The following CHD9 variants were observed in gnomAD, a reference collection of about 807,000 sequenced individuals.
CHD9 encodes the protein ATP-dependent chromatin remodeler CHD9.
A neutral mutation model predicts 316.1 loss-of-function variants in CHD9; 77 were observed. The ratio of observed to expected loss-of-function variants is 0.24; its 90% CI spans 0.20 to 0.29. The LOEUF (loss-of-function observed/expected upper bound fraction) is 0.29, where lower values mean the gene tolerates loss of function less well. Ranked by LOEUF, CHD9 falls within the 10% of genes least tolerant of loss-of-function variation. CHD9 has a pLI of 1.00. For missense variants in CHD9, 2,763 were observed against 3,438.1 expected (o/e 0.80, Z 4.91); for synonymous variants, 1,129 against 1,158.3 (o/e 0.97, Z 0.51).
chr16:53,264,061 A>G (rs956526189), intron 20 of CHD9, among the ~76,000 whole-genome samples: 5 of 152,102 alleles, frequency 3.3e-5, no homozygotes, highest in Non-Finnish European at 7.4e-5. Context: ...TAGAACACTT[A>G]AGAATATACC....
chr16:53,102,567 A>G (rs2036973699), intron 1 of CHD9, among the ~76,000 whole-genome samples: 1 of 152,094 alleles, frequency 6.6e-6, no homozygotes, highest in South Asian at 2.1e-4. Context: ...TAATAGATTT[A>G]GGCCATGCAT....
intron 29 of CHD9, among the ~76,000 whole-genome samples, chr16:53,293,698 C>T (rs1050063487): frequency 1.3e-5 from 2 of 152,150 alleles, no homozygotes; most frequent in Non-Finnish European, 2.9e-5. Flanking sequence ...CACCTGTAAT[C>T]CCAGCACTTT....
At chr16:53,201,785 A>G (rs2045478686) in intron 2 of CHD9, among the ~76,000 whole-genome samples, 1 of 151,976 alleles carries the variant, frequency 6.6e-6, no homozygotes, top group Admixed American at 6.6e-5. Context: ...CTTATCATTC[A>G]TCTAAAAATA....
At chr16:53,136,652 C>T (rs1014953086) in intron 1 of CHD9, among the ~76,000 whole-genome samples, 10 of 151,674 alleles carry the variant, frequency 6.6e-5, no homozygotes, top group East Asian at 1.9e-4. Context: ...CTGAGTTGCC[C>T]GGGGTTTCTA....
intron 36 of CHD9, among the ~76,000 whole-genome samples, chr16:53,316,136 A>T (rs2056868756): frequency 6.6e-6 from 1 of 152,062 alleles, no homozygotes; most frequent in Non-Finnish European, 1.5e-5. Context: ...GCCGGTCTCA[A>T]ACTCCTGGCT....
chr16:53,104,056 G>A (rs1268103181), intron 1 of CHD9, among the ~76,000 whole-genome samples: 3 of 152,168 alleles, frequency 2.0e-5, no homozygotes, highest in Admixed American at 2.0e-4. Flanking sequence ...TACCTGGTTT[G>A]CTCTGGTCGT....
chr16:53,304,570 C>T lies in CHD9; in HGVS notation c.6564C>T (p.Ser2188=), dbSNP rs765090667. The T allele has an allele frequency of 6.5e-6, 10 of 1,545,460 alleles. No homozygotes were observed. Among genetic ancestry groups the T allele is most frequent in the Non-Finnish European group, 8.8e-6 (10 of 1,141,318 alleles). ...CCTCCACCTCTTCCTCCTCCTCCTCCTCTTCATCTTCATCAGAAGAAAGTG... is the reference window on the plus strand; with the variant it reads ...CCTCCACCTCTTCCTCCTCCTCCTCTTCTTCATCTTCATCAGAAGAAAGTG... ...SSSSTSSSSS[S]SSSSSEESDS... is the part of the protein sequence containing the mutation. The change falls in exon 31 of 39, where the codon TCC becomes TCT. Residue 2188 remains serine, a synonymous_variant. Coordinates refer to ENST00000447540, the MANE Select transcript of CHD9 (RefSeq NM_001308319.2).
intron 32 of CHD9, among the ~76,000 whole-genome samples, chr16:53,307,309 C>A (rs990234302): frequency 6.6e-6 from 1 of 152,050 alleles, no homozygotes; most frequent in Non-Finnish European, 1.5e-5. Context: ...TACTCTGTCA[C>A]CCAGGCTGGA....
At chr16:53,265,723 G>A (rs2051597951) in intron 20 of CHD9, among the ~76,000 whole-genome samples, 2 of 151,952 alleles carry the variant, frequency 1.3e-5, no homozygotes. Context: ...ACAAATATTT[G>A]GGTGGGAAAA....
At chr16:53,290,364 C>T (rs2054229410) in intron 27 of CHD9, among the ~76,000 whole-genome samples, 1 of 152,140 alleles carries the variant, frequency 6.6e-6, no homozygotes, top group Non-Finnish European at 1.5e-5. Context: ...AGAATTAGGA[C>T]GTAAAACCCT....
At chr16:53,206,650 G>A (rs994448410) in intron 2 of CHD9, among the ~76,000 whole-genome samples, 5 of 152,068 alleles carry the variant, frequency 3.3e-5, no homozygotes, top group Admixed American at 6.5e-5. Flanking sequence ...GGGTTGTTCT[G>A]AAGATTGAGT....
At chr16:53,278,463 CCAA>C (rs2053081740) in intron 24 of CHD9, among the ~76,000 whole-genome samples, 1 of 152,012 alleles carries the variant, frequency 6.6e-6, no homozygotes, top group African/African-American at 2.4e-5. Context: ...CCAAACACAG[CCAA>C]CTGATCTTCA....
chr16:53,220,358 T>G (rs755960475), intron 3 of CHD9, among the ~76,000 whole-genome samples: 1 of 152,212 alleles, frequency 6.6e-6, no homozygotes, highest in Non-Finnish European at 1.5e-5. Flanking sequence ...TCTATAACTT[T>G]TTCTCACCTG....
intron 1 of CHD9, among the ~76,000 whole-genome samples, chr16:53,100,668 C>T (rs1250184353): frequency 6.6e-6 from 1 of 152,124 alleles, no homozygotes; most frequent in Non-Finnish European, 1.5e-5. Flanking sequence ...CCATGTTGTC[C>T]AGGCTGGTCT....
chr16:53,288,796 T>C (rs191766845), intron 27 of CHD9, among the ~76,000 whole-genome samples: 7 of 152,240 alleles, frequency 4.6e-5, no homozygotes, highest in Admixed American at 1.3e-4. Context: ...TTGTTTCCCT[T>C]GAGAATTTGT....
chr16:53,215,152 G>A (rs766956373), intron 3 of CHD9, among the ~76,000 whole-genome samples: 6 of 152,222 alleles, frequency 3.9e-5, no homozygotes, highest in Admixed American at 1.3e-4. Flanking sequence ...TCCTGACCTC[G>A]CGATCCGCCT....
At chr16:53,167,269 A>G (rs1322648247) in intron 2 of CHD9, among the ~76,000 whole-genome samples, 2 of 152,198 alleles carry the variant, frequency 1.3e-5, no homozygotes, top group African/African-American at 4.8e-5. Context: ...GTAGGTATAA[A>G]TTGTATATAC....
At chr16:53,232,751 T>C (rs1431214316) in intron 10 of CHD9, among the ~76,000 whole-genome samples, 1 of 152,078 alleles carries the variant, frequency 6.6e-6, no homozygotes. Flanking sequence ...AAAATATATG[T>C]TAATTATTTT....
At chr16:53,317,163 C>CAAAAAAAAAAA (rs537619212) in intron 36 of CHD9, among the ~76,000 whole-genome samples, 2 of 81,764 alleles carry the variant, frequency 2.4e-5, no homozygotes, top group African/African-American at 4.8e-5. Context: ...AACTCCATCT[C>CAAAAAAAAAAA]AAAAAAAAAA....
Sources: gnomAD v4.1 joint callset for allele counts (sites outside exome capture counted in the v4.1 genomes callset) on GRCh38, gnomAD v4.1.1 for gene constraint, MANE v1.5 for transcripts, NCBI Gene and HGNC (gene_info 2026-07-23, HGNC 2026-07-21) for gene names.